SV2C: variants seen among roughly 807,000 people sequenced by gnomAD.
SV2C encodes solute carrier family 22 member B3.
SV2C carries 49 observed loss-of-function variants against 79.7 expected under a neutral mutation model. The observed-to-expected ratio is 0.61, with a 90% CI of 0.49 to 0.78. The LOEUF is 0.78. SV2C is among the 30% of genes least tolerant of loss of function. The pLI is 0.00. For missense variants in SV2C, 833 were observed against 912.9 expected, an observed-to-expected ratio of 0.91 and a Z score of 1.13; for synonymous variants, 334 against 333.2, an observed-to-expected ratio of 1.00 and a Z score of -0.03.
chr5:75,917,868 T>C, the SV2C span, among the ~76,000 whole-genome samples: 2 of 152,222 alleles, frequency 1.3e-5, no homozygotes, highest in Non-Finnish European at 2.9e-5. Context: ...GGGAGACAGA[T>C]ACCTCATTCT....
intron 2 of SV2C, among the ~76,000 whole-genome samples, chr5:76,137,704 T>A (rs1165053250): frequency 6.6e-6 from 1 of 152,200 alleles, no homozygotes; most frequent in Admixed American, 6.5e-5. Flanking sequence ...AAAATCATAT[T>A]ACAATCCTCT....
chr5:76,293,957 T>C lies in SV2C; in HGVS notation c.1338-1821T>C, dbSNP rs555128060. Among the ~76,000 whole-genome samples the C allele has an allele frequency of 1.8e-4, 28 of 152,296 alleles. No homozygotes were observed. The South Asian group carries it at 5.2e-3, about 28-fold the overall frequency. ...CCTCCTGCAAAGGCTATGCCCATAC[T>C]CTCTTCTTTCCCTGTGTAGCTAAGT... On this transcript the variant is annotated intron_variant, in intron 8 of 12. Transcript: ENST00000502798.
chr5:76,221,395 C>T (rs1436620240), intron 4 of SV2C, among the ~76,000 whole-genome samples: 1 of 152,156 alleles, frequency 6.6e-6, no homozygotes, highest in African/African-American at 2.4e-5. Flanking sequence ...TTTAGTGCCC[C>T]AAGGGGCTTT....
At chr5:76,281,331 C>T in intron 4 of SV2C, 1 of 366,542 alleles carries the variant, frequency 2.7e-6, no homozygotes, top group Non-Finnish European at 5.3e-6. Flanking sequence ...AAGTTAAGAT[C>T]TGATTTAAAA....
the SV2C span, among the ~76,000 whole-genome samples, chr5:76,008,327 T>A: frequency 1.3e-5 from 2 of 152,122 alleles, no homozygotes; most frequent in Non-Finnish European, 2.9e-5. Flanking sequence ...TGATGTTGAC[T>A]TGTTAGCTCA....
chr5:75,859,181 A>T, the SV2C span, among the ~76,000 whole-genome samples: 1 of 152,166 alleles, frequency 6.6e-6, no homozygotes, highest in African/African-American at 2.4e-5. Flanking sequence ...GGAAAATAGC[A>T]ATTTATTGAC....
At chr5:76,172,164 C>A (rs1396832482) in intron 2 of SV2C, among the ~76,000 whole-genome samples, 3 of 27,532 alleles carry the variant, frequency 1.1e-4, no homozygotes, top group African/African-American at 9.0e-4. Context: ...AGGTGAGGGG[C>A]GCCTCTGCCC....
At chr5:76,285,950 A>G in intron 6 of SV2C, 80 bp downstream of exon 6, 2 of 1,326,274 alleles carry the variant, frequency 1.5e-6, no homozygotes, top group Non-Finnish European at 2.1e-6. Context: ...TAAATATTTT[A>G]GACTTTGCAA....
At chr5:76,351,928 G>A (rs997278102) in intron 12 of SV2C, among the ~76,000 whole-genome samples, 10 of 152,224 alleles carry the variant, frequency 6.6e-5, no homozygotes, top group East Asian at 1.9e-4. Context: ...AAAAAAAATC[G>A]GCTGCTGGAC....
the SV2C span, among the ~76,000 whole-genome samples, chr5:75,930,890 T>C: frequency 6.6e-6 from 1 of 152,308 alleles, no homozygotes; most frequent in Non-Finnish European, 1.5e-5. Context: ...TTCTAGCACT[T>C]TGGGAGGCTG....
At chr5:75,940,454 G>C in the SV2C span, among the ~76,000 whole-genome samples, 1 of 151,668 alleles carries the variant, frequency 6.6e-6, no homozygotes, top group Non-Finnish European at 1.5e-5. Flanking sequence ...GTCAGGTTTT[G>C]TTCTTAATAT....
intron 4 of SV2C, among the ~76,000 whole-genome samples, chr5:76,220,382 G>T (rs943860612): frequency 6.6e-6 from 1 of 152,040 alleles, no homozygotes; most frequent in Non-Finnish European, 1.5e-5. Flanking sequence ...TTAAAAATTA[G>T]AATTGACAGC....
chr5:76,316,558 T>A (rs923165871), intron 12 of SV2C, among the ~76,000 whole-genome samples: 16 of 152,152 alleles, frequency 1.1e-4, no homozygotes, highest in Non-Finnish European at 1.9e-4. Context: ...GCTATCCTAA[T>A]CCTAGGTTGA....
chr5:75,977,196 C>A, the SV2C span, among the ~76,000 whole-genome samples: 3 of 152,252 alleles, frequency 2.0e-5, no homozygotes, highest in East Asian at 5.8e-4. Context: ...CCAGACCAAA[C>A]CAGAATGGAG....
rs373397443 is a variant in SV2C, at chr5:76,291,382, G to T, written c.1248+51G>T. The stretch of plus-strand genomic sequence containing the variant: ...TGCATGTTAATTTATTGCATTTGAG[G>T]TTAGTCAGAAGAGGGGTTTACTGGG... On this transcript the variant is annotated intron_variant, in intron 7 of 12. Transcript: ENST00000502798. 2.7e-6 allele frequency: 4 copies of T among 1,473,610 alleles called. No individual in the cohort carries two copies. In the South Asian group the frequency reaches 3.8e-5, roughly 14 times the overall value. The allele number at this position is 1,473,610 out of a possible 1,614,324, so 91.3% of individuals were successfully genotyped here. A position where few individuals can be genotyped will look rare whatever the true frequency, so the allele number is the denominator to read the frequency against.
chr5:76,203,347 T>TG lies in SV2C; in HGVS notation c.762-6386dup, dbSNP rs1214734210. Among the ~76,000 whole-genome samples the TG allele has an allele frequency of 5.3e-5, 8 of 151,384 alleles. No homozygotes were observed. The South Asian group carries it at 1.3e-3, about 24-fold the overall frequency. On this transcript the variant is annotated intron_variant, in intron 3 of 12. Transcript: ENST00000502798. ...GGATAATGGGTAAATGAAGGGTGGG[T>TG]GGGAGGATGAGTGCAGGAATGGATG... is the stretch of plus-strand genomic sequence containing the variant.
chr5:76,052,347 G>A, the SV2C span, among the ~76,000 whole-genome samples: 13 of 152,266 alleles, frequency 8.5e-5, no homozygotes, highest in Non-Finnish European at 1.6e-4. Flanking sequence ...GTAAAATTCT[G>A]CTGTCTCATT....
At chr5:76,094,457 T>C (rs558102124) in intron 1 of SV2C, among the ~76,000 whole-genome samples, 1 of 152,232 alleles carries the variant, frequency 6.6e-6, no homozygotes, top group Non-Finnish European at 1.5e-5. Context: ...TAACACCGTA[T>C]TTTTGAAAAG....
intron 2 of SV2C, among the ~76,000 whole-genome samples, chr5:76,189,937 A>G (rs1453254974): frequency 4.6e-5 from 7 of 152,090 alleles, no homozygotes; most frequent in African/African-American, 7.2e-5. Flanking sequence ...AGATTTCATT[A>G]TTTATGTGAT....
Sources: allele counts gnomAD v4.1 joint callset (sites outside exome capture counted in the v4.1 genomes callset), GRCh38; gene constraint gnomAD v4.1.1; transcripts MANE v1.5; gene names NCBI Gene and HGNC (gene_info 2026-07-23, HGNC 2026-07-21).